The following SSX2IP variants were observed in gnomAD, a reference collection of about 807,000 sequenced individuals.
The protein encoded by SSX2IP is SSX family member 2 interacting protein.
In SSX2IP, 55 loss-of-function variants were observed where a neutral mutation model predicts 84.9. The observed-to-expected ratio is 0.65, with a 90% CI of 0.52 to 0.81. SSX2IP has a LOEUF of 0.81. Among genes scored for constraint, SSX2IP ranks in the 30% least tolerant of loss-of-function variants. The pLI, the probability that SSX2IP is intolerant of heterozygous loss-of-function variation, is 0.00. For synonymous variants in SSX2IP, 239 were observed against 234.7 expected, an observed-to-expected ratio of 1.02 and a Z score of -0.17; for missense variants, 664 against 705.2, an observed-to-expected ratio of 0.94 and a Z score of 0.66.
chr1:84,685,572 A>C (rs1655671091), intron 1 of SSX2IP, among the ~76,000 whole-genome samples: 1 of 152,242 alleles, frequency 6.6e-6, no homozygotes, highest in South Asian at 2.1e-4. Context: ...TACAGTTACA[A>C]ACCTGGAAGA....
At chr1:84,664,965 T>C (rs1037855527) in intron 5 of SSX2IP, among the ~76,000 whole-genome samples, 4 of 152,170 alleles carry the variant, frequency 2.6e-5, no homozygotes, top group African/African-American at 7.2e-5. Context: ...CTGTGACACA[T>C]GGCAGCAGGT....
intron 12 of SSX2IP, among the ~76,000 whole-genome samples, chr1:84,651,510 C>T (rs895084870): frequency 6.6e-6 from 1 of 151,978 alleles, no homozygotes; most frequent in African/African-American, 2.4e-5. Flanking sequence ...GGTGGATCAC[C>T]TGAGGTCAGG....
intron 1 of SSX2IP, among the ~76,000 whole-genome samples, chr1:84,674,912 G>T (rs977092128): frequency 2.6e-5 from 4 of 152,062 alleles, no homozygotes; most frequent in Non-Finnish European, 5.9e-5. Context: ...CCAAGAAAGG[G>T]GACTTACGAC....
rs768983327 is a variant in SSX2IP at position 84,655,854 on chromosome 1, G to T, written c.1367C>A (p.Ala456Asp). Reference sequence around the variant, plus strand: ...TACCTCCAATCCCAGGCGAATAGCGGCTTCTGTAAAGCTTCGTCTCTCCCT... The same window carrying T: ...TACCTCCAATCCCAGGCGAATAGCGTCTTCTGTAAAGCTTCGTCTCTCCCT... ...FERERRSFTE[A>D]AIRLGLERKA... The change falls in exon 11 of 14, where the codon GCC becomes GAC. Residue 456 changes from alanine (A) to aspartate (D), a missense_variant. Physicochemically the swap from Ala to Asp is moderately radical, Grantham distance 126. Coordinates refer to ENST00000342203, the MANE Select transcript of SSX2IP (RefSeq NM_001166293.2). 1.2e-6 allele frequency: 2 copies of T among 1,613,608 alleles called. No individual in the cohort carries two copies.
rs3764946 is a variant in SSX2IP at position 84,664,638 on chromosome 1, G to A, written c.538-86C>T. ...TCCTAAAATTCATCTCCCCATATAG[G>A]TTTTAAAATCCTAGGATGATTCTTC... On this transcript the variant is annotated intron_variant, in intron 5 of 13. Transcript: ENST00000342203. 9.8e-4 allele frequency: 1,159 copies of A among 1,188,202 alleles called. 18 individuals are homozygous for A. In the East Asian group the frequency reaches 0.03, roughly 31 times the overall value. The allele number at this position is 1,188,202 out of a possible 1,614,324, so 73.6% of individuals were successfully genotyped here. A position where few individuals can be genotyped will look rare whatever the true frequency, so the allele number is the denominator to read the frequency against.
Position 84,671,220 on chromosome 1 carries a change from A to G in SSX2IP, c.-1T>C. 6.2e-7 allele frequency: 1 copy of G among 1,610,706 alleles called. No homozygotes were observed. Among genetic ancestry groups the G allele is most frequent in the Non-Finnish European group, 8.5e-7 (1 of 1,178,250 alleles). On this transcript the variant is annotated 5_prime_UTR_variant, in exon 2 of 14. Coordinates refer to ENST00000342203, the MANE Select transcript of SSX2IP (RefSeq NM_001166293.2). ...CTGTAACAGTCATCCAATCTCCCAT[A>G]GCAATCTCTAGAGCCAGGATACCTG... is the stretch of plus-strand genomic sequence containing the variant.
chr1:84,689,576 T>C (rs1028709115), intron 1 of SSX2IP, among the ~76,000 whole-genome samples: 1 of 152,230 alleles, frequency 6.6e-6, no homozygotes. Context: ...GTTTGGCATT[T>C]ACAACTATGG....
At chr1:84,655,482 T>C (rs1263998758) in intron 11 of SSX2IP, 10 of 1,308,782 alleles carry the variant, frequency 7.6e-6, no homozygotes, top group Non-Finnish European at 9.0e-6. Context: ...ACAGCAAATA[T>C]AGTCTTGGTT....
rs893446403 is a variant in SSX2IP at position 84,643,707 on chromosome 1, GTGT to G, written c.*3723_*3725del. 4 of 152,256 alleles carry G rather than the reference GTGT, an allele frequency of 2.6e-5. No individual in the cohort carries two copies. Among genetic ancestry groups the G allele is most frequent in the East Asian group, 3.9e-4 (2 of 5,180 alleles). 9.4% of individuals were successfully genotyped at this position (152,256 alleles called of 1,614,324 possible). On this transcript the variant is annotated 3_prime_UTR_variant, in exon 14 of 14. Coordinates refer to ENST00000342203, the MANE Select transcript of SSX2IP (RefSeq NM_001166293.2). ...AGTCCATTCATTCCAGTAAAAAAAT[GTGT>G]TGTTTCATCAGTGTATTTCTCATCA...
chr1:84,644,806 T>A lies in SSX2IP; in HGVS notation c.*2627A>T, dbSNP rs1649285792. ...TTAGCTAAGGTAGGCAGTATAGAAC[T>A]CTTTACAAATAACAGTATTTCAATT... is the stretch of plus-strand genomic sequence containing the variant. On this transcript the variant is annotated 3_prime_UTR_variant, in exon 14 of 14. Transcript: ENST00000342203. The A allele has an allele frequency of 6.6e-6, 1 of 152,240 alleles. No individual in the cohort carries two copies. The highest frequency in any genetic ancestry group is 6.5e-5 in the Admixed American group (1 of 15,280). The allele number at this position is 152,240 out of a possible 1,614,324, so 9.4% of individuals were successfully genotyped here. A position where few individuals can be genotyped will look rare whatever the true frequency, so the allele number is the denominator to read the frequency against.
chr1:84,667,183 AAC>A (rs1373061613), intron 4 of SSX2IP, among the ~76,000 whole-genome samples: 1 of 151,568 alleles, frequency 6.6e-6, no homozygotes, highest in Non-Finnish European at 1.5e-5. Context: ...CATGATTATC[AAC>A]ACTTTACCTG....
intron 4 of SSX2IP, among the ~76,000 whole-genome samples, chr1:84,667,293 G>A (rs953828790): frequency 6.6e-6 from 1 of 151,624 alleles, no homozygotes; most frequent in Admixed American, 6.6e-5. Context: ...AACCTGAATG[G>A]GGTCTTGAAT....
At chr1:84,649,434 A>G (rs1649910576) in intron 13 of SSX2IP, among the ~76,000 whole-genome samples, 1 of 152,066 alleles carries the variant, frequency 6.6e-6, no homozygotes. Context: ...CACCTCTTAA[A>G]AGTCAACTAC....
chr1:84,688,153 A>G (rs1656048757), intron 1 of SSX2IP, among the ~76,000 whole-genome samples: 1 of 152,238 alleles, frequency 6.6e-6, no homozygotes, highest in South Asian at 2.1e-4. Context: ...GGTACTACAT[A>G]AAACATTGGC....
chr1:84,676,375 A>C (rs181200449), intron 1 of SSX2IP, among the ~76,000 whole-genome samples: 1 of 152,274 alleles, frequency 6.6e-6, no homozygotes, highest in East Asian at 1.9e-4. Context: ...GTAATAGAAA[A>C]TCTTATAATA....
At chr1:84,690,678 A>C (rs1173680764), upstream of SSX2IP, 1 of 151,936 alleles carries the variant, frequency 6.6e-6, no homozygotes, top group Non-Finnish European at 1.5e-5. Flanking sequence ...CCTTACCTCC[A>C]AAAAAACCCG....
chr1:84,673,768 G>C lies in SSX2IP; in HGVS notation c.-89-2460C>G, dbSNP rs367563905. Among the ~76,000 whole-genome samples, 55 of 152,208 alleles carry C rather than the reference G, an allele frequency of 3.6e-4. No homozygotes were observed. The South Asian group carries it at 0.011, about 29-fold the overall frequency. ...GAAATGTGGGCAAAAAAGAAATCAAGGATGATTTCTAAGTTGTAGAGAAGC... is the reference window on the plus strand; with the variant it reads ...GAAATGTGGGCAAAAAAGAAATCAACGATGATTTCTAAGTTGTAGAGAAGC... On this transcript the variant is annotated intron_variant, in intron 1 of 13. Coordinates refer to ENST00000342203, the MANE Select transcript of SSX2IP (RefSeq NM_001166293.2).
At chr1:84,670,572 GT>G in intron 3 of SSX2IP, 73 bp downstream of exon 3, 2 of 1,105,182 alleles carry the variant, frequency 1.8e-6, no homozygotes, top group Non-Finnish European at 2.5e-6. Context: ...TTTGACAAAT[GT>G]TTTTCTCATA....
intron 1 of SSX2IP, among the ~76,000 whole-genome samples, chr1:84,689,275 A>C (rs1215321985): frequency 6.6e-6 from 1 of 152,194 alleles, no homozygotes; most frequent in East Asian, 1.9e-4. Context: ...AACTCATACC[A>C]ACCTTTCTAG....
Sources: allele counts gnomAD v4.1 joint callset (sites outside exome capture counted in the v4.1 genomes callset), GRCh38; gene constraint gnomAD v4.1.1; transcripts MANE v1.5; gene names NCBI Gene and HGNC (gene_info 2026-07-23, HGNC 2026-07-21).